ERC1: variants seen among roughly 807,000 people sequenced by gnomAD.
The protein encoded by ERC1 is ELKS/RAB6-interacting/CAST family member 1, also known as RAB6 interacting protein 2.
Under a neutral mutation model 132.0 loss-of-function variants are expected in ERC1, and 56 were observed. The ratio of observed to expected loss-of-function variants is 0.42; its 90% CI spans 0.34 to 0.53. The LOEUF (loss-of-function observed/expected upper bound fraction) is 0.53. Among genes scored for constraint, ERC1 ranks in the 20% least tolerant of loss-of-function variants. The probability of loss-of-function intolerance (pLI) is 0.03; values close to 1 mark genes in which losing one functional copy is unlikely to be tolerated. For missense variants in ERC1, 1,202 were observed against 1,349.9 expected, an observed-to-expected ratio of 0.89 and a Z score of 1.72; for synonymous variants, 478 against 476.1, an observed-to-expected ratio of 1.00 and a Z score of -0.05.
intron 7 of ERC1, among the ~76,000 whole-genome samples, chr12:1,134,320 T>A (rs1404342594): frequency 6.6e-6 from 1 of 152,008 alleles, no homozygotes; most frequent in Non-Finnish European, 1.5e-5. Flanking sequence ...CATAATGGGT[T>A]TATTGTTATT....
At chr12:1,068,858 A>C (rs1939796243) in intron 2 of ERC1, among the ~76,000 whole-genome samples, 1 of 152,182 alleles carries the variant, frequency 6.6e-6, no homozygotes, top group Non-Finnish European at 1.5e-5. Flanking sequence ...TAGAGCGTGA[A>C]GATGGTGTCT....
At chr12:994,196 A>G (rs1960307531) in intron 1 of ERC1, among the ~76,000 whole-genome samples, 1 of 152,172 alleles carries the variant, frequency 6.6e-6, no homozygotes, top group Admixed American at 6.5e-5. Context: ...TTCATCAGAA[A>G]CATTAATGGA....
intron 15 of ERC1, among the ~76,000 whole-genome samples, chr12:1,319,283 T>C (rs1162213509): frequency 1.3e-5 from 2 of 152,222 alleles, no homozygotes; most frequent in Admixed American, 6.5e-5. Flanking sequence ...TCATCCCTTA[T>C]TATATGTGAG....
chr12:1,047,381 T>G (rs539770426), intron 2 of ERC1, among the ~76,000 whole-genome samples: 1 of 152,206 alleles, frequency 6.6e-6, no homozygotes, highest in African/African-American at 2.4e-5. Flanking sequence ...TCTATATATA[T>G]TCTACCCCCC....
intron 16 of ERC1, among the ~76,000 whole-genome samples, chr12:1,383,455 A>G (rs1349585467): frequency 1.3e-5 from 2 of 152,174 alleles, no homozygotes; most frequent in East Asian, 1.9e-4. Flanking sequence ...TTTTGAACTA[A>G]TGTAGATACT....
At position 1,072,822 on chromosome 12, in the gene ERC1, A is replaced by T. The variant is rs577497446; in HGVS notation, c.670-10342A>T. ...GTTCTCGTGCCTCAGCTTCCCTAGT[A>T]GCTGGGATTACAGGCATGCACCACC... On this transcript the variant is annotated intron_variant, in intron 2 of 18. Coordinates refer to ENST00000360905, the MANE Select transcript of ERC1 (RefSeq NM_178040.4). Among the ~76,000 whole-genome samples, 27 of 152,160 alleles carry T rather than the reference A, an allele frequency of 1.8e-4. No homozygotes were observed. The East Asian group carries it at 4.9e-3, about 27-fold the overall frequency.
rs1046985711 is a variant in ERC1 at position 1,487,255 on chromosome 12, T to C, written c.3214-2838T>C. Among the ~76,000 whole-genome samples the C allele has an allele frequency of 2.6e-5, 4 of 152,180 alleles. No homozygotes were observed. In the East Asian group the frequency reaches 7.7e-4, roughly 29 times the overall value. On this transcript the variant is annotated intron_variant, in intron 18 of 18. Coordinates refer to ENST00000360905, the MANE Select transcript of ERC1 (RefSeq NM_178040.4). ...CAGCATTTAGCAGAAGGAAGATTGC[T>C]AGGTCTATTCTTAACTCTTTGATAT...
At chr12:1,471,008 TTGAG>T (rs2093849842) in intron 18 of ERC1, among the ~76,000 whole-genome samples, 1 of 152,188 alleles carries the variant, frequency 6.6e-6, no homozygotes, top group Non-Finnish European at 1.5e-5. Flanking sequence ...AAATCTCCTG[TTGAG>T]TTTTATTTTT....
chr12:1,110,303 C>T lies in ERC1; in HGVS notation c.1273C>T (p.Gln425Ter). The change falls in exon 5 of 19, where the codon CAA becomes TAA. Residue 425 changes from glutamine to a stop codon, truncating the protein, a stop_gained. Transcript: ENST00000360905. LOFTEE classifies it high-confidence loss of function. ...STEEREEEMKQMEVYRSHSKF... is the reference protein window; with the variant it reads ...STEEREEEMK Reference sequence around the variant, plus strand: ...TGAGGAAAGGGAAGAAGAAATGAAGCAAATGGAAGTGTATCGGAGCCATTC... The same window carrying T: ...TGAGGAAAGGGAAGAAGAAATGAAGTAAATGGAAGTGTATCGGAGCCATTC... 6.2e-7 allele frequency: 1 copy of T among 1,612,788 alleles called. No individual in the cohort carries two copies. Among genetic ancestry groups the T allele is most frequent in the Non-Finnish European group, 8.5e-7 (1 of 1,179,350 alleles).
intron 16 of ERC1, among the ~76,000 whole-genome samples, chr12:1,381,912 A>AG (rs2088719283): frequency 6.7e-6 from 1 of 149,876 alleles, no homozygotes; most frequent in Admixed American, 6.6e-5. Flanking sequence ...AGAAGAAAGG[A>AG]GGGAGGGAGG....
At chr12:1,388,879 C>T (rs114408081) in intron 16 of ERC1, among the ~76,000 whole-genome samples, 551 of 152,276 alleles carry the variant, frequency 3.6e-3, no homozygotes, top group African/African-American at 0.013. Context: ...ACACAGTAAA[C>T]GCTTATTTCT....
At chr12:1,019,948 T>G (rs1189759113) in intron 1 of ERC1, among the ~76,000 whole-genome samples, 1 of 151,788 alleles carries the variant, frequency 6.6e-6, no homozygotes, top group African/African-American at 2.4e-5. Flanking sequence ...AGAGATAGGA[T>G]CTTGCCGTGT....
In ERC1 at chr12:1,196,859, ACT is replaced by A. The variant is rs1196181216; in HGVS notation, c.2351+6826_2351+6827del. The stretch of plus-strand genomic sequence containing the variant: ...CTGTCTCTCTGTCTGTCTCTCTCTC[ACT>A]CTCTCTCTCTCTCTCTCTGTCTGTC... On this transcript the variant is annotated intron_variant, in intron 12 of 18. Transcript: ENST00000360905. 7.2e-3 allele frequency among the ~76,000 whole-genome samples: 240 copies of A among 33,478 alleles called. 4 individuals are homozygous for A. Among genetic ancestry groups the A allele is most frequent in the Non-Finnish European group, 0.011 (149 of 13,792 alleles). 22.0% of individuals were successfully genotyped at this position (33,478 alleles called of 152,430 possible).
intron 7 of ERC1, among the ~76,000 whole-genome samples, chr12:1,125,328 T>C (rs1302983339): frequency 6.6e-6 from 1 of 151,818 alleles, no homozygotes; most frequent in African/African-American, 2.4e-5. Context: ...TATTTAAAAA[T>C]AGTCATTTTC....
chr12:1,042,840 A>T (rs1970476588), intron 2 of ERC1, among the ~76,000 whole-genome samples: 1 of 151,986 alleles, frequency 6.6e-6, no homozygotes, highest in Non-Finnish European at 1.5e-5. Context: ...ATAATAAGTA[A>T]TTTCTTCTTT....
chr12:1,110,136 C>T, intron 4 of ERC1, 56 bp from the exon 5 acceptor site: 1 of 1,408,118 alleles, frequency 7.1e-7, no homozygotes, highest in Non-Finnish European at 9.7e-7. Flanking sequence ...TCATGTTATT[C>T]AGCTTTTCTG....
At chr12:1,051,759 G>C (rs1972041729) in intron 2 of ERC1, among the ~76,000 whole-genome samples, 1 of 152,136 alleles carries the variant, frequency 6.6e-6, no homozygotes, top group Non-Finnish European at 1.5e-5. Flanking sequence ...CCACCTGGGG[G>C]ATGTGGGCAG....
intron 12 of ERC1, chr12:1,203,934 A>G (rs1470743698): frequency 2.0e-5 from 3 of 152,530 alleles, no homozygotes; most frequent in Admixed American, 6.5e-5. Flanking sequence ...AGTGAGAAGT[A>G]CTAGTTGTTA....
chr12:991,617 G>C (rs1959315501), intron 1 of ERC1: 1 of 152,044 alleles, frequency 6.6e-6, no homozygotes. Context: ...GGGAGCCGAG[G>C]CGGTAGATGT....
Sources: allele counts gnomAD v4.1 joint callset (sites outside exome capture counted in the v4.1 genomes callset), GRCh38; gene constraint gnomAD v4.1.1; transcripts MANE v1.5; gene names NCBI Gene and HGNC (gene_info 2026-07-23, HGNC 2026-07-21).